Variants in XKR6 observed in about 807,000 individuals in gnomAD.
XKR6 encodes the protein XK-related protein 6.
A neutral mutation model predicts 56.7 loss-of-function variants in XKR6; 22 were observed. The observed-to-expected ratio is 0.39, with a 90% CI of 0.28 to 0.55. The LOEUF (loss-of-function observed/expected upper bound fraction) is 0.55, where lower values mean the gene tolerates loss of function less well. Ranked by LOEUF, XKR6 falls within the 20% of genes least tolerant of loss-of-function variation. The probability of loss-of-function intolerance (pLI) is 0.66; values close to 1 mark genes in which losing one functional copy is unlikely to be tolerated. For synonymous variants in XKR6, 524 were observed against 387.8 expected (o/e 1.35, Z -4.13); for missense variants, 852 against 889.0 (o/e 0.96, Z 0.53).
At chr8:10,950,091 G>C (rs1801673044) in intron 1 of XKR6, among the ~76,000 whole-genome samples, 1 of 152,222 alleles carries the variant, frequency 6.6e-6, no homozygotes, top group South Asian at 2.1e-4. Context: ...ACACATGGCA[G>C]GATGGATGGA....
intron 1 of XKR6, among the ~76,000 whole-genome samples, chr8:11,190,905 C>G (rs1312990965): frequency 1.3e-5 from 2 of 152,164 alleles, no homozygotes; most frequent in East Asian, 1.9e-4. Context: ...TATATATAAA[C>G]AGAATATTCA....
chr8:11,009,323 T>A (rs996691256), intron 1 of XKR6, among the ~76,000 whole-genome samples: 14 of 152,002 alleles, frequency 9.2e-5, no homozygotes, highest in African/African-American at 3.4e-4. Context: ...CCGGCCTGGG[T>A]AACATGGAGA....
intron 1 of XKR6, chr8:11,137,991 C>T: frequency 3.2e-6 from 1 of 311,894 alleles, no homozygotes; most frequent in Non-Finnish European, 6.2e-6. Flanking sequence ...AAGCCGTCAG[C>T]AACCCCTTCT....
chr8:11,082,187 G>A (rs918066955), intron 1 of XKR6, among the ~76,000 whole-genome samples: 1 of 152,214 alleles, frequency 6.6e-6, no homozygotes, highest in African/African-American at 2.4e-5. Context: ...ACATAGAAAA[G>A]GTGGTCCTCT....
intron 1 of XKR6, among the ~76,000 whole-genome samples, chr8:11,120,881 C>G (rs1040671276): frequency 2.0e-5 from 3 of 152,166 alleles, no homozygotes; most frequent in African/African-American, 7.2e-5. Context: ...GAAATAATGC[C>G]GCATATCTAC....
chr8:11,066,241 C>T (rs1237258260), intron 1 of XKR6, among the ~76,000 whole-genome samples: 2 of 152,256 alleles, frequency 1.3e-5, no homozygotes, highest in Admixed American at 1.3e-4. Context: ...CCCCCTCTCT[C>T]CTGTCAAACT....
intron 1 of XKR6, among the ~76,000 whole-genome samples, chr8:11,061,726 G>A (rs559965111): frequency 1.3e-5 from 2 of 152,302 alleles, no homozygotes; most frequent in East Asian, 3.9e-4. Flanking sequence ...TCTTCCAGGA[G>A]CAGAAGCCCA....
chr8:10,956,677 G>GCGGA (rs1801899651), intron 1 of XKR6, among the ~76,000 whole-genome samples: 1 of 152,142 alleles, frequency 6.6e-6, no homozygotes, highest in Non-Finnish European at 1.5e-5. Flanking sequence ...AACAGCGGAT[G>GCGGA]TCAAAGGGAA....
At chr8:10,924,582 C>T (rs1031039807) in intron 2 of XKR6, 52 bp downstream of exon 2, 96 of 1,562,042 alleles carry the variant, frequency 6.1e-5, no homozygotes, top group Non-Finnish European at 8.1e-5. Context: ...CGGCCGTGGT[C>T]CCCAGGTGGA....
chr8:11,079,119 G>C (rs1455752207), intron 1 of XKR6, among the ~76,000 whole-genome samples: 2 of 152,194 alleles, frequency 1.3e-5, no homozygotes, highest in African/African-American at 4.8e-5. Flanking sequence ...CAGATCCCTA[G>C]CCACCTGCTC....
intron 1 of XKR6, among the ~76,000 whole-genome samples, chr8:11,093,553 G>A (rs144735025): frequency 7.6e-4 from 115 of 152,274 alleles, no homozygotes; most frequent in African/African-American, 2.6e-3. Flanking sequence ...AGTTATAATA[G>A]CCAGATGTTG....
chr8:11,139,251 A>C (rs994423506), intron 1 of XKR6, among the ~76,000 whole-genome samples: 1 of 152,240 alleles, frequency 6.6e-6, no homozygotes, highest in Non-Finnish European at 1.5e-5. Flanking sequence ...CTCTAAATGA[A>C]ATATAAAAGC....
At chr8:11,108,191 A>G (rs1302042227) in intron 1 of XKR6, 5 of 440,600 alleles carry the variant, frequency 1.1e-5, no homozygotes, top group Non-Finnish European at 1.8e-5. Flanking sequence ...TGTCCACTAC[A>G]CTTATAAACA....
intron 1 of XKR6, among the ~76,000 whole-genome samples, chr8:11,102,145 AC>A (rs1798508675): frequency 6.6e-6 from 1 of 152,180 alleles, no homozygotes; most frequent in Non-Finnish European, 1.5e-5. Context: ...GTCAATCCCA[AC>A]TGACATAAAC....
chr8:11,109,694 C>G (rs1006090989), intron 1 of XKR6: 39 of 152,312 alleles, frequency 2.6e-4, no homozygotes, highest in African/African-American at 8.9e-4. Context: ...CATTTGTGCT[C>G]AGAGTTTTCA....
chr8:10,982,333 T>G (rs1391662408), intron 1 of XKR6, among the ~76,000 whole-genome samples: 2 of 152,228 alleles, frequency 1.3e-5, no homozygotes, highest in Non-Finnish European at 2.9e-5. Context: ...AGATTTCCTA[T>G]GTATTCTGTT....
At chr8:11,130,772 G>T (rs570924215) in intron 1 of XKR6, among the ~76,000 whole-genome samples, 3 of 152,070 alleles carry the variant, frequency 2.0e-5, no homozygotes, top group Admixed American at 6.5e-5. Flanking sequence ...GCCACACAGG[G>T]GGCCTTTGTA....
chr8:11,000,483 C>A (rs1798212651), intron 1 of XKR6, among the ~76,000 whole-genome samples: 1 of 151,998 alleles, frequency 6.6e-6, no homozygotes, highest in Admixed American at 6.6e-5. Flanking sequence ...GTCAAGAGCT[C>A]GAAACCAGCC....
At chr8:10,908,831 A>T (rs563791478) in intron 2 of XKR6, among the ~76,000 whole-genome samples, 31 of 152,260 alleles carry the variant, frequency 2.0e-4, no homozygotes, top group African/African-American at 7.5e-4. Flanking sequence ...GTTAACACAG[A>T]AGTGGGTTGT....
Sources: gnomAD v4.1 joint callset for allele counts (sites outside exome capture counted in the v4.1 genomes callset) on GRCh38, gnomAD v4.1.1 for gene constraint, MANE v1.5 for transcripts, NCBI Gene and HGNC (gene_info 2026-07-23, HGNC 2026-07-21) for gene names.